The following FCHSD2 variants were observed in gnomAD, a reference collection of about 807,000 sequenced individuals.
The protein encoded by FCHSD2 is FCH and double SH3 domains 2.
FCHSD2 carries 38 observed loss-of-function variants against 108.1 expected under a neutral mutation model. The ratio of observed to expected loss-of-function variants is 0.35; its 90% CI spans 0.27 to 0.46. The LOEUF is 0.46. Ranked by LOEUF, FCHSD2 falls within the 20% of genes least tolerant of loss-of-function variation. FCHSD2 has a pLI of 1.00. For synonymous variants in FCHSD2, 279 were observed against 314.7 expected, an observed-to-expected ratio of 0.89 and a Z score of 1.20; for missense variants, 751 against 897.8, an observed-to-expected ratio of 0.84 and a Z score of 2.09.
chr11:72,940,179 C>T (rs762547256), intron 8 of FCHSD2, among the ~76,000 whole-genome samples: 1 of 152,174 alleles, frequency 6.6e-6, no homozygotes, highest in Non-Finnish European at 1.5e-5. Context: ...TCATCCTTAG[C>T]CTTTTAAACT....
At chr11:72,855,707 G>A (rs1431144183) in intron 13 of FCHSD2, among the ~76,000 whole-genome samples, 1 of 152,116 alleles carries the variant, frequency 6.6e-6, no homozygotes, top group Non-Finnish European at 1.5e-5. Context: ...TTTATTAATT[G>A]AAATGGCATT....
At position 73,141,789 on chromosome 11, in the gene FCHSD2, C is replaced by A. The variant is rs566689812; in HGVS notation, c.21+68G>T. ...CTTGCGGGAGGGGGAAGGGGCGCAG[C>A]GGTCGCCCCAGCCGCGTTCCGCGTA... is the stretch of plus-strand genomic sequence containing the variant. On this transcript the variant is annotated intron_variant, in intron 1 of 19. Coordinates refer to ENST00000409418, the MANE Select transcript of FCHSD2 (RefSeq NM_014824.3). 2.7e-5 allele frequency: 39 copies of A among 1,468,486 alleles called. No homozygotes were observed. The African/African-American group carries it at 4.4e-4, about 17-fold the overall frequency. 91.0% of individuals were successfully genotyped at this position (1,468,486 alleles called of 1,614,324 possible). A position where few individuals can be genotyped will look rare whatever the true frequency, so the allele number is the denominator to read the frequency against.
chr11:73,055,617 A>G, intron 3 of FCHSD2, among the ~76,000 whole-genome samples: 1 of 152,362 alleles, frequency 6.6e-6, no homozygotes, highest in East Asian at 1.9e-4. Flanking sequence ...TGTATACAAT[A>G]TATTAGTACA....
chr11:73,001,337 T>A (rs1857622037), intron 4 of FCHSD2, among the ~76,000 whole-genome samples: 1 of 152,050 alleles, frequency 6.6e-6, no homozygotes, highest in African/African-American at 2.4e-5. Flanking sequence ...CAATAGGGAG[T>A]TCTGATTCAT....
intron 13 of FCHSD2, among the ~76,000 whole-genome samples, chr11:72,857,404 C>T (rs1861452658): frequency 2.0e-5 from 3 of 150,206 alleles, no homozygotes; most frequent in Admixed American, 2.0e-4. Flanking sequence ...CTAACGTTTA[C>T]CCTTTCTTAG....
At chr11:72,859,576 C>T (rs2135187650) in intron 13 of FCHSD2, among the ~76,000 whole-genome samples, 1 of 152,216 alleles carries the variant, frequency 6.6e-6, no homozygotes, top group East Asian at 1.9e-4. Context: ...ACACAGTATA[C>T]ATAAGGTTCG....
intron 2 of FCHSD2, among the ~76,000 whole-genome samples, chr11:73,102,562 A>T (rs1221487290): frequency 1.3e-5 from 2 of 152,210 alleles, no homozygotes; most frequent in African/African-American, 4.8e-5. Flanking sequence ...GTCTCCTCTA[A>T]AACTCATGTT....
chr11:72,922,391 G>A (rs1342516717), intron 8 of FCHSD2, among the ~76,000 whole-genome samples: 1 of 152,034 alleles, frequency 6.6e-6, no homozygotes, highest in Non-Finnish European at 1.5e-5. Context: ...TTACTGAACA[G>A]CAGTGACAGA....
At chr11:73,026,805 G>A (rs1189226485) in intron 3 of FCHSD2, among the ~76,000 whole-genome samples, 1 of 152,160 alleles carries the variant, frequency 6.6e-6, no homozygotes, top group African/African-American at 2.4e-5. Context: ...GACAGCAAGT[G>A]AGTTCTCATG....
In FCHSD2 at chr11:72,973,574, T is replaced by G. The variant is rs567581964; in HGVS notation, c.705+10514A>C. ...CTATCTAAGACAACACTATCTATTGTCAGAGTGGTAGTTACAATCTGTTGA... is the reference window on the plus strand; with the variant it reads ...CTATCTAAGACAACACTATCTATTGGCAGAGTGGTAGTTACAATCTGTTGA... On this transcript the variant is annotated intron_variant, in intron 8 of 19. Coordinates refer to ENST00000409418, the MANE Select transcript of FCHSD2 (RefSeq NM_014824.3). Among the ~76,000 whole-genome samples the G allele has an allele frequency of 2.6e-5, 4 of 152,356 alleles. No individual in the cohort carries two copies. The East Asian group carries it at 7.7e-4, about 29-fold the overall frequency.
intron 3 of FCHSD2, among the ~76,000 whole-genome samples, chr11:73,030,249 T>C (rs1030749282): frequency 7.9e-5 from 12 of 152,168 alleles, no homozygotes; most frequent in African/African-American, 2.9e-4. Flanking sequence ...TCAAGACACT[T>C]ATCGGAAGAT....
intron 3 of FCHSD2, among the ~76,000 whole-genome samples, chr11:73,065,919 C>T (rs933273550): frequency 2.0e-5 from 3 of 152,064 alleles, no homozygotes; most frequent in Non-Finnish European, 2.9e-5. Flanking sequence ...ATGAAAATGG[C>T]CATACCACCC....
intron 3 of FCHSD2, among the ~76,000 whole-genome samples, chr11:73,028,871 A>G (rs1858292869): frequency 6.6e-6 from 1 of 152,134 alleles, no homozygotes; most frequent in African/African-American, 2.4e-5. Flanking sequence ...ACCATGTAAG[A>G]GATGCCTTGC....
At chr11:72,921,537 G>A (rs1014639367) in intron 9 of FCHSD2, among the ~76,000 whole-genome samples, 2 of 152,202 alleles carry the variant, frequency 1.3e-5, no homozygotes, top group South Asian at 4.1e-4. Context: ...TAAACTCTGA[G>A]TAGAATACAA....
intron 8 of FCHSD2, among the ~76,000 whole-genome samples, chr11:72,975,558 T>C (rs1376152975): frequency 6.6e-6 from 1 of 152,230 alleles, no homozygotes; most frequent in Non-Finnish European, 1.5e-5. Flanking sequence ...TTTGAGATGA[T>C]GGATATCTCA....
At chr11:72,998,331 G>A (rs1266590125) in intron 5 of FCHSD2, among the ~76,000 whole-genome samples, 1 of 152,116 alleles carries the variant, frequency 6.6e-6, no homozygotes, top group East Asian at 1.9e-4. Context: ...CTTGAGGTCA[G>A]GAGTTCAGGA....
chr11:72,948,818 A>G (rs1856568881), intron 8 of FCHSD2, among the ~76,000 whole-genome samples: 1 of 152,108 alleles, frequency 6.6e-6, no homozygotes, highest in Non-Finnish European at 1.5e-5. Context: ...GGTGCCCGCC[A>G]CTACGCCTGG....
intron 9 of FCHSD2, among the ~76,000 whole-genome samples, chr11:72,919,090 G>A (rs1166711839): frequency 2.0e-5 from 3 of 152,088 alleles, no homozygotes; most frequent in African/African-American, 7.2e-5. Context: ...TTGGGGATAT[G>A]TCACATTTTG....
At chr11:73,066,120 A>G (rs1184180494) in intron 3 of FCHSD2, among the ~76,000 whole-genome samples, 3 of 152,198 alleles carry the variant, frequency 2.0e-5, no homozygotes, top group African/African-American at 4.8e-5. Flanking sequence ...ACAGTAACCA[A>G]AACAGCATGG....
Sources: allele counts gnomAD v4.1 joint callset (sites outside exome capture counted in the v4.1 genomes callset), GRCh38; gene constraint gnomAD v4.1.1; transcripts MANE v1.5; gene names NCBI Gene and HGNC (gene_info 2026-07-23, HGNC 2026-07-21).